The following PRR16 variants were observed in gnomAD, a reference collection of about 807,000 sequenced individuals.
The protein encoded by PRR16 is protein Largen.
A neutral mutation model predicts 18.2 loss-of-function variants in PRR16; 6 were observed. The ratio of observed to expected loss-of-function variants is 0.33; its 90% CI spans 0.18 to 0.65. PRR16 has a LOEUF of 0.65. Ranked by LOEUF, PRR16 falls within the 30% of genes least tolerant of loss-of-function variation. PRR16 has a pLI of 0.74. For synonymous variants in PRR16, 151 were observed against 147.8 expected (o/e 1.02, Z -0.16); for missense variants, 412 against 376.6 (o/e 1.09, Z -0.78).
At chr5:120,740,401 C>CT in the PRR16 span, among the ~76,000 whole-genome samples, 1 of 152,104 alleles carries the variant, frequency 6.6e-6, no homozygotes, top group Non-Finnish European at 1.5e-5. Context: ...CCATGTGAAA[C>CT]TTATAAATAA....
At chr5:120,598,301 A>T (rs1029615988) in intron 1 of PRR16, among the ~76,000 whole-genome samples, 8 of 151,950 alleles carry the variant, frequency 5.3e-5, no homozygotes, top group African/African-American at 1.9e-4. Flanking sequence ...GTTAGTTTAA[A>T]ATAAACTAAT....
the PRR16 span, among the ~76,000 whole-genome samples, chr5:120,761,873 C>G: frequency 6.6e-6 from 1 of 152,056 alleles, no homozygotes; most frequent in East Asian, 1.9e-4. Flanking sequence ...TACCTCCCCC[C>G]AAAAACATAC....
chr5:120,586,680 A>G (rs1753454215), intron 1 of PRR16, among the ~76,000 whole-genome samples: 1 of 152,114 alleles, frequency 6.6e-6, no homozygotes. Context: ...AATGTTGTGT[A>G]TGTTCTGACT....
At chr5:120,578,881 C>G (rs1440838009) in intron 1 of PRR16, among the ~76,000 whole-genome samples, 1 of 152,142 alleles carries the variant, frequency 6.6e-6, no homozygotes, top group Admixed American at 6.5e-5. Flanking sequence ...AAAAGTGTTC[C>G]TATTTCTCCG....
chr5:120,723,455 A>T, the PRR16 span, among the ~76,000 whole-genome samples: 1 of 152,034 alleles, frequency 6.6e-6, no homozygotes, highest in African/African-American at 2.4e-5. Flanking sequence ...TAATAATTTA[A>T]AAAAGCATAA....
intron 1 of PRR16, among the ~76,000 whole-genome samples, chr5:120,479,592 C>G (rs1406369148): frequency 6.6e-6 from 1 of 151,746 alleles, no homozygotes; most frequent in African/African-American, 2.4e-5. Context: ...ACCAAGAAAT[C>G]CCTGGAATTA....
chr5:120,736,579 C>G, the PRR16 span, among the ~76,000 whole-genome samples: 2 of 124,966 alleles, frequency 1.6e-5, no homozygotes, highest in African/African-American at 6.3e-5. Context: ...TTTGGGGTCC[C>G]TGGAGATTTT....
At chr5:120,503,238 T>G (rs993046568) in intron 1 of PRR16, among the ~76,000 whole-genome samples, 6 of 151,978 alleles carry the variant, frequency 3.9e-5, no homozygotes, top group Non-Finnish European at 8.8e-5. Context: ...ATTTGATGAG[T>G]GAGGGAAAAG....
chr5:120,508,419 TA>T (rs1205467146), intron 1 of PRR16, among the ~76,000 whole-genome samples: 1 of 152,110 alleles, frequency 6.6e-6, no homozygotes, highest in Non-Finnish European at 1.5e-5. Context: ...TACAATAACT[TA>T]AAGGAGAATG....
At chr5:120,714,070 CT>C in the PRR16 span, among the ~76,000 whole-genome samples, 31 of 150,154 alleles carry the variant, frequency 2.1e-4, no homozygotes, top group East Asian at 5.8e-4. Context: ...AATGTAATGT[CT>C]TTTTTTTTAG....
the PRR16 span, among the ~76,000 whole-genome samples, chr5:120,789,761 A>T: frequency 1.3e-5 from 2 of 152,118 alleles, no homozygotes; most frequent in African/African-American, 4.8e-5. Context: ...ATAAAATAAT[A>T]TATACAATTT....
chr5:120,543,692 A>G (rs1432642904), intron 1 of PRR16, among the ~76,000 whole-genome samples: 1 of 152,212 alleles, frequency 6.6e-6, no homozygotes, highest in African/African-American at 2.4e-5. Flanking sequence ...TAACCACATT[A>G]CATTGGCTTT....
the PRR16 span, among the ~76,000 whole-genome samples, chr5:120,736,490 C>T: frequency 6.7e-6 from 1 of 148,944 alleles, no homozygotes. Context: ...GTCTTGAACT[C>T]CTGACCTCAA....
At chr5:120,493,926 C>T (rs1750153983) in intron 1 of PRR16, among the ~76,000 whole-genome samples, 1 of 152,042 alleles carries the variant, frequency 6.6e-6, no homozygotes, top group African/African-American at 2.4e-5. Flanking sequence ...TTTGTTTAAA[C>T]ATTCACCGGC....
the PRR16 span, among the ~76,000 whole-genome samples, chr5:120,753,115 T>G: frequency 2.6e-5 from 4 of 151,980 alleles, no homozygotes; most frequent in African/African-American, 9.7e-5. Flanking sequence ...TGAGTGAGCA[T>G]TTGTAAAAGG....
the PRR16 span, among the ~76,000 whole-genome samples, chr5:120,749,416 T>G: frequency 6.6e-6 from 1 of 152,138 alleles, no homozygotes; most frequent in African/African-American, 2.4e-5. Flanking sequence ...TTGTTGTTGC[T>G]ACCTGAGCTT....
At chr5:120,468,350 A>G (rs1372238003) in intron 1 of PRR16, among the ~76,000 whole-genome samples, 6 of 152,180 alleles carry the variant, frequency 3.9e-5, no homozygotes, top group Non-Finnish European at 5.9e-5. Context: ...TGGAGAGTTA[A>G]AAAGGAAGAT....
intron 1 of PRR16, among the ~76,000 whole-genome samples, chr5:120,502,142 T>G (rs1325585532): frequency 6.6e-6 from 1 of 151,184 alleles, no homozygotes; most frequent in Non-Finnish European, 1.5e-5. Flanking sequence ...GTTTCAATAA[T>G]TTCACTTAAG....
chr5:120,735,059 T>C, the PRR16 span, among the ~76,000 whole-genome samples: 1 of 152,212 alleles, frequency 6.6e-6, no homozygotes, highest in African/African-American at 2.4e-5. Context: ...CATGCTACTT[T>C]CTGTTTCTAT....
Sources: allele counts gnomAD v4.1 joint callset (sites outside exome capture counted in the v4.1 genomes callset), GRCh38; gene constraint gnomAD v4.1.1; transcripts MANE v1.5; gene names NCBI Gene and HGNC (gene_info 2026-07-23, HGNC 2026-07-21).